SLC2A9: variants seen among roughly 807,000 people sequenced by gnomAD.
SLC2A9 encodes solute carrier family 2 member 9, also known as solute carrier family 2, facilitated glucose transporter member 9.
Under a neutral mutation model 50.6 loss-of-function variants are expected in SLC2A9, and 39 were observed. That is an observed-to-expected ratio of 0.77 (90% CI 0.60 to 1.01). The LOEUF is 1.01. SLC2A9 is among the 50% of genes least tolerant of loss of function. SLC2A9 has a pLI of 0.00. For synonymous variants in SLC2A9, 324 were observed against 276.9 expected (o/e 1.17, Z -1.69); for missense variants, 686 against 677.6 (o/e 1.01, Z -0.14).
intron 6 of SLC2A9, among the ~76,000 whole-genome samples, chr4:9,936,122 C>A (rs979916804): frequency 2.0e-5 from 3 of 152,112 alleles, no homozygotes; most frequent in African/African-American, 7.2e-5. Flanking sequence ...TTGTGCCCCC[C>A]AGAAGTAAAA....
intron 8 of SLC2A9, among the ~76,000 whole-genome samples, chr4:9,904,899 C>T (rs1444985425): frequency 6.6e-6 from 1 of 152,174 alleles, no homozygotes; most frequent in African/African-American, 2.4e-5. Flanking sequence ...TCCATCCTTG[C>T]ATCTCCAGCT....
At chr4:9,834,166 G>A (rs1053722941) in intron 11 of SLC2A9, among the ~76,000 whole-genome samples, 17 of 152,030 alleles carry the variant, frequency 1.1e-4, no homozygotes, top group African/African-American at 4.1e-4. Flanking sequence ...CTTCACTCAG[G>A]CCTCTGCGCA....
upstream of SLC2A9, chr4:10,025,788 C>A: frequency 1.0e-6 from 1 of 989,850 alleles, no homozygotes; most frequent in African/African-American, 1.6e-5. Flanking sequence ...GCTGCTCACT[C>A]TTTTCTCTGC....
intron 10 of SLC2A9, among the ~76,000 whole-genome samples, chr4:9,838,994 T>C (rs1727560326): frequency 6.6e-6 from 1 of 151,946 alleles, no homozygotes; most frequent in African/African-American, 2.4e-5. Flanking sequence ...AAAGCAAAAA[T>C]TGACAAATGG....
At chr4:9,961,832 CAG>C (rs1315863279) in intron 5 of SLC2A9, among the ~76,000 whole-genome samples, 20 of 152,246 alleles carry the variant, frequency 1.3e-4, no homozygotes, top group African/African-American at 4.6e-4. Flanking sequence ...GTCTAATATC[CAG>C]AGTCTAGAAG....
chr4:9,903,044 A>T (rs933705228), intron 8 of SLC2A9, among the ~76,000 whole-genome samples: 2 of 152,174 alleles, frequency 1.3e-5, no homozygotes, highest in African/African-American at 4.8e-5. Context: ...AGGTTAAGTG[A>T]CTAGCTCAAG....
chr4:10,038,390 C>G (rs1363358714), intron 1 of SLC2A9, among the ~76,000 whole-genome samples: 1 of 149,606 alleles, frequency 6.7e-6, no homozygotes, highest in African/African-American at 2.5e-5. Context: ...ACCTGTAATC[C>G]AAGCTACTAG....
intron 10 of SLC2A9, among the ~76,000 whole-genome samples, chr4:9,843,111 C>T (rs1254923692): frequency 6.6e-6 from 1 of 152,110 alleles, no homozygotes; most frequent in Non-Finnish European, 1.5e-5. Context: ...TTGAGCAGTG[C>T]TTTTGGCCTG....
chr4:9,959,217 TAA>T (rs11338281), intron 5 of SLC2A9, among the ~76,000 whole-genome samples: 298 of 137,178 alleles, frequency 2.2e-3, no homozygotes, highest in Admixed American at 2.2e-3. Context: ...CAATCTCTAC[TAA>T]AAAAAAAAAA....
chr4:9,854,999 C>T (rs1730510669), intron 10 of SLC2A9, among the ~76,000 whole-genome samples: 1 of 152,178 alleles, frequency 6.6e-6, no homozygotes. Context: ...CCAGAGCCAA[C>T]ATCATACTGA....
At chr4:9,839,660 G>A (rs985889418) in intron 10 of SLC2A9, among the ~76,000 whole-genome samples, 48 of 152,274 alleles carry the variant, frequency 3.2e-4, no homozygotes, top group Non-Finnish European at 5.3e-4. Context: ...AAAAGAATGA[G>A]ATCATGTCCT....
At chr4:9,788,159 T>A (rs1489987605) in intron 3 of SLC2A9, among the ~76,000 whole-genome samples, 1 of 152,118 alleles carries the variant, frequency 6.6e-6, no homozygotes, top group African/African-American at 2.4e-5. Context: ...ATATATTTAT[T>A]TACATCAGCA....
rs1741053933 is a variant in SLC2A9, at chr4:9,908,280, G to A, written c.1068C>T (p.Val356=). The A allele has an allele frequency of 6.2e-7, 1 of 1,614,104 alleles. No individual in the cohort carries two copies. Among genetic ancestry groups the A allele is most frequent in the Non-Finnish European group, 8.5e-7 (1 of 1,179,966 alleles). The stretch of plus-strand genomic sequence containing the variant: ...TCTCGATGCCCCCTGTACTCAAGGT[G>A]ACGTATGGGATCTTTGCCGGAGGGA... ...AGIPPAKIPY[V]TLSTGGIETL... is the part of the protein sequence containing the mutation. Residue 356 remains valine, a synonymous_variant, in exon 8 of 12, where the codon GTC becomes GTT. Coordinates refer to ENST00000264784, the MANE Select transcript of SLC2A9 (RefSeq NM_020041.3).
At chr4:9,799,328 G>T in intron 3 of SLC2A9, 1 of 151,562 alleles carries the variant, frequency 6.6e-6, no homozygotes, top group Non-Finnish European at 1.5e-5. Context: ...AGTTTCTGAG[G>T]CTGGGAAGTC....
chr4:9,849,379 G>T (rs1398342283), intron 10 of SLC2A9, among the ~76,000 whole-genome samples: 2 of 152,216 alleles, frequency 1.3e-5, no homozygotes, highest in Non-Finnish European at 2.9e-5. Flanking sequence ...TCTCAGCATT[G>T]TTAACAACCA....
chr4:10,036,764 G>C (rs148148302), intron 1 of SLC2A9, among the ~76,000 whole-genome samples: 2 of 152,292 alleles, frequency 1.3e-5, no homozygotes, highest in East Asian at 3.9e-4. Context: ...CAGATTTCAA[G>C]AAATGGAATT....
intron 10 of SLC2A9, among the ~76,000 whole-genome samples, chr4:9,877,701 G>A (rs544209488): frequency 6.6e-6 from 1 of 152,164 alleles, no homozygotes; most frequent in African/African-American, 2.4e-5. Flanking sequence ...ATGTTTCATG[G>A]TTTCTTCTTT....
At chr4:10,013,402 T>C (rs987596654) in intron 2 of SLC2A9, among the ~76,000 whole-genome samples, 16 of 152,154 alleles carry the variant, frequency 1.1e-4, no homozygotes, top group Non-Finnish European at 2.4e-4. Context: ...TCTTGGAAAG[T>C]TGGGTGGCCA....
chr4:9,780,590 C>T (rs995990070), intron 3 of SLC2A9, among the ~76,000 whole-genome samples: 2 of 152,174 alleles, frequency 1.3e-5, no homozygotes, highest in African/African-American at 4.8e-5. Flanking sequence ...CTAGACCTCA[C>T]CATGCTGCAG....
Sources: allele counts gnomAD v4.1 joint callset (sites outside exome capture counted in the v4.1 genomes callset), GRCh38; gene constraint gnomAD v4.1.1; transcripts MANE v1.5; gene names NCBI Gene and HGNC (gene_info 2026-07-23, HGNC 2026-07-21).